Variants in CFAP58 observed in about 807,000 individuals in gnomAD.
CFAP58 encodes the protein cilia and flagella associated protein 58.
Under a neutral mutation model 119.5 loss-of-function variants are expected in CFAP58, and 88 were observed. The ratio of observed to expected loss-of-function variants is 0.74; its 90% CI spans 0.62 to 0.88. The LOEUF is 0.88. Ranked by LOEUF, CFAP58 falls within the 40% of genes least tolerant of loss-of-function variation. The probability of loss-of-function intolerance (pLI) is 0.00; values close to 1 mark genes in which losing one functional copy is unlikely to be tolerated. For missense variants in CFAP58, 990 were observed against 1,021.2 expected (o/e 0.97, Z 0.42); for synonymous variants, 365 against 366.3 (o/e 1.00, Z 0.04).
intron 15 of CFAP58, among the ~76,000 whole-genome samples, chr10:104,436,265 G>A (rs2012932624): frequency 6.6e-6 from 1 of 152,174 alleles, no homozygotes; most frequent in East Asian, 1.9e-4. Context: ...TTAGAGTAGT[G>A]TATGTATATA....
At chr10:104,396,629 C>G (rs1313490526) in intron 11 of CFAP58, among the ~76,000 whole-genome samples, 1 of 152,162 alleles carries the variant, frequency 6.6e-6, no homozygotes, top group Admixed American at 6.5e-5. Context: ...TGCCCATAGC[C>G]AAATCTGGTT....
Position 104,368,404 on chromosome 10 carries a change from C to T in CFAP58, c.793-19C>T. 1 of 1,612,744 alleles carries T rather than the reference C, an allele frequency of 6.2e-7. No individual in the cohort carries two copies. The highest frequency in any genetic ancestry group is 2.2e-5 in the East Asian group (1 of 44,860). On this transcript the variant is annotated intron_variant, in intron 5 of 17. Transcript: ENST00000369704. Reference sequence around the variant, plus strand: ...AATCAGATTAAAAAGCATTAACCAGCTCATTCCATCCCTTTCAGATATTGA... The same window carrying T: ...AATCAGATTAAAAAGCATTAACCAGTTCATTCCATCCCTTTCAGATATTGA...
chr10:104,405,581 T>C (rs1041769530), intron 14 of CFAP58, among the ~76,000 whole-genome samples: 2 of 152,238 alleles, frequency 1.3e-5, no homozygotes, highest in East Asian at 3.8e-4. Flanking sequence ...TACCAATTTA[T>C]AACTGTATAT....
upstream of CFAP58, among the ~76,000 whole-genome samples, chr10:104,349,636 G>A (rs1458838019): frequency 6.6e-6 from 1 of 152,222 alleles, no homozygotes; most frequent in Non-Finnish European, 1.5e-5. Context: ...CAGGGGTGAA[G>A]AAGACGTGCA....
intron 12 of CFAP58, 44 bp downstream of exon 12, chr10:104,399,544 A>G (rs1471193673): frequency 4.4e-6 from 7 of 1,597,418 alleles, no homozygotes; most frequent in Non-Finnish European, 6.0e-6. Flanking sequence ...GTCAACAGAC[A>G]CGGGTATTTA....
Position 104,393,431 on chromosome 10 carries a change from C to T in CFAP58, c.1630C>T (p.His544Tyr). The change falls in exon 11 of 18, where the codon CAC becomes TAC. Residue 544 changes from histidine to tyrosine, a missense_variant. Coordinates refer to ENST00000369704, the MANE Select transcript of CFAP58 (RefSeq NM_001008723.2). ...CAAAGAGTCCGCACTTGTGAAGCTG[C>T]ACCTGGAACAGCAGCGAATAGAAAA... is the stretch of plus-strand genomic sequence containing the variant. ...SAKESALVKL[H>Y]LEQQRIEKEK... is the part of the protein sequence containing the mutation. The T allele has an allele frequency of 1.2e-6, 2 of 1,613,922 alleles. No homozygotes were observed. Among genetic ancestry groups the T allele is most frequent in the Non-Finnish European group, 8.5e-7 (1 of 1,179,886 alleles).
At chr10:104,369,962 T>G (rs1233209657) in intron 6 of CFAP58, among the ~76,000 whole-genome samples, 1 of 152,206 alleles carries the variant, frequency 6.6e-6, no homozygotes. Context: ...CTAGGATTAT[T>G]TTTGGGGACT....
At chr10:104,344,576 A>AT in the CFAP58 span, among the ~76,000 whole-genome samples, 15 of 151,718 alleles carry the variant, frequency 9.9e-5, no homozygotes, top group Middle Eastern at 3.4e-3. Flanking sequence ...GGATACTTCT[A>AT]TTTTTTTTCT....
At chr10:104,343,706 A>G in the CFAP58 span, among the ~76,000 whole-genome samples, 1 of 152,174 alleles carries the variant, frequency 6.6e-6, no homozygotes, top group African/African-American at 2.4e-5. Flanking sequence ...AATGCAGGCC[A>G]CAACTTATTA....
At chr10:104,400,974 C>A in intron 13 of CFAP58, 71 bp downstream of exon 13, 1 of 1,056,302 alleles carries the variant, frequency 9.5e-7, no homozygotes, top group South Asian at 1.4e-5. Flanking sequence ...ACTTCGTAGT[C>A]ATGCTTGTTG....
intron 9 of CFAP58, among the ~76,000 whole-genome samples, chr10:104,382,679 G>A (rs1376394101): frequency 2.6e-5 from 4 of 152,150 alleles, no homozygotes; most frequent in South Asian, 4.1e-4. Context: ...TCTCATGATG[G>A]TGAGTGAGTT....
At chr10:104,387,777 A>C (rs964946129) in intron 9 of CFAP58, among the ~76,000 whole-genome samples, 1 of 152,204 alleles carries the variant, frequency 6.6e-6, no homozygotes, top group Non-Finnish European at 1.5e-5. Flanking sequence ...GCCTCATTTT[A>C]GGATCTCCCT....
At chr10:104,451,332 C>T (rs1196227373) in intron 17 of CFAP58, among the ~76,000 whole-genome samples, 1 of 152,142 alleles carries the variant, frequency 6.6e-6, no homozygotes, top group Admixed American at 6.5e-5. Flanking sequence ...TCAGAATACT[C>T]CCCCGTTCCA....
rs548910427 is a variant in CFAP58, at chr10:104,358,450, G to A, written c.119G>A (p.Arg40Gln). 4.3e-6 allele frequency: 7 copies of A among 1,613,962 alleles called. No individual in the cohort carries two copies. Among genetic ancestry groups the A allele is most frequent in the South Asian group, 3.3e-5 (3 of 91,078 alleles). ...LSGDKSLEKF[R>Q]IEYERLHAVM... ...GGAGACAAAAGTTTGGAAAAATTTCGGATTGAATATGAGAGGCTTCATGCT... is the reference window on the plus strand; with the variant it reads ...GGAGACAAAAGTTTGGAAAAATTTCAGATTGAATATGAGAGGCTTCATGCT... Residue 40 changes from arginine (R) to glutamine (Q), a missense_variant, in exon 2 of 18, where the codon CGG becomes CAG. Arg to Gln is a conservative substitution (Grantham distance 43, BLOSUM62 1). Coordinates refer to ENST00000369704, the MANE Select transcript of CFAP58 (RefSeq NM_001008723.2).
At chr10:104,353,950 C>T in intron 1 of CFAP58, 44 bp downstream of exon 1, 1 of 1,607,316 alleles carries the variant, frequency 6.2e-7, no homozygotes, top group South Asian at 1.1e-5. Context: ...TTGACCCCTC[C>T]CCATTGTCCC....
intron 1 of CFAP58, among the ~76,000 whole-genome samples, chr10:104,355,616 C>T (rs1215673299): frequency 6.6e-6 from 1 of 152,164 alleles, no homozygotes; most frequent in East Asian, 1.9e-4. Flanking sequence ...GAACTTAGGA[C>T]AGGACAGTGC....
chr10:104,363,113 A>T (rs1036617840), intron 3 of CFAP58, among the ~76,000 whole-genome samples: 3 of 152,172 alleles, frequency 2.0e-5, no homozygotes, highest in African/African-American at 4.8e-5. Context: ...GACTCCAATG[A>T]CCACACAGAA....
At chr10:104,397,231 T>C (rs1006125167) in intron 11 of CFAP58, among the ~76,000 whole-genome samples, 3 of 152,204 alleles carry the variant, frequency 2.0e-5, no homozygotes, top group African/African-American at 4.8e-5. Flanking sequence ...TAAATGATTA[T>C]AGAAACAGAA....
In CFAP58 at chr10:104,406,760, TG is replaced by T. The variant is rs767517868; in HGVS notation, c.2224del (p.Glu742LysfsTer20). On this transcript the variant is annotated frameshift_variant, in exon 15 of 18. Transcript: ENST00000369704. LOFTEE classifies it high-confidence loss of function. ...TLQKRLISKT[E>X]EVVEKELLLQ... Reference sequence around the variant, plus strand: ...TGCAGAAGCGTCTCATCAGCAAGACTGAAGAGGTGGTTGAAAAAGAGCTGCT... The same window carrying T: ...TGCAGAAGCGTCTCATCAGCAAGACTAAGAGGTGGTTGAAAAAGAGCTGCT... 6.2e-7 allele frequency: 1 copy of T among 1,614,218 alleles called. No homozygotes were observed. Among genetic ancestry groups the T allele is most frequent in the South Asian group, 1.1e-5 (1 of 91,086 alleles).
Sources: allele counts gnomAD v4.1 joint callset (sites outside exome capture counted in the v4.1 genomes callset), GRCh38; gene constraint gnomAD v4.1.1; transcripts MANE v1.5; gene names NCBI Gene and HGNC (gene_info 2026-07-23, HGNC 2026-07-21).